Variants in MYPOP observed in about 807,000 individuals in gnomAD.
MYPOP encodes Myb related transcription factor, partner of profilin.
Under a neutral mutation model 25.7 loss-of-function variants are expected in MYPOP, and 21 were observed. The ratio of observed to expected loss-of-function variants is 0.82; its 90% CI spans 0.58 to 1.18. MYPOP has a LOEUF of 1.18. Among genes scored for constraint, MYPOP ranks in the 50% most tolerant of loss-of-function variants. MYPOP has a pLI of 0.00. For missense variants in MYPOP, 566 were observed against 588.3 expected (o/e 0.96, Z 0.39); for synonymous variants, 280 against 247.9 (o/e 1.13, Z -1.22).
intron 2 of MYPOP, among the ~76,000 whole-genome samples, chr19:45,897,703 G>A (rs1051086128): frequency 6.7e-6 from 1 of 148,298 alleles, no homozygotes; most frequent in Non-Finnish European, 1.5e-5. Context: ...CCAAGGCGCC[G>A]GCCACCATGC....
At position 45,901,848 on chromosome 19, in the gene MYPOP, G is replaced by C; in HGVS notation, c.-52-23C>G. On this transcript the variant is annotated intron_variant, in intron 1 of 2. Transcript: ENST00000322217. This position sits in a 1 kb window ranked among gnomAD's most constrained non-coding sequence, Gnocchi z 5.7. ...GCGCTGCGGGCAAAGGGCGCACGGG[G>C]CTGGCTGGGGTTCGGGGTCCCCCCG... 2 of 1,192,908 alleles carry C rather than the reference G, an allele frequency of 1.7e-6. No individual in the cohort carries two copies. The highest frequency in any genetic ancestry group is 2.1e-6 in the Non-Finnish European group (2 of 940,992). 73.9% of individuals were successfully genotyped at this position (1,192,908 alleles called of 1,614,324 possible).
At chr19:45,896,963 C>T (rs1967215284) in intron 2 of MYPOP, among the ~76,000 whole-genome samples, 1 of 152,026 alleles carries the variant, frequency 6.6e-6, no homozygotes, top group African/African-American at 2.4e-5. Context: ...GCTATATTGC[C>T]CAGGCTGGTC....
At position 45,901,641 on chromosome 19, in the gene MYPOP, G is replaced by A; in HGVS notation, c.133C>T (p.Arg45Cys). 1.2e-6 allele frequency: 2 copies of A among 1,610,568 alleles called. No individual in the cohort carries two copies. The highest frequency in any genetic ancestry group is 1.7e-6 in the Non-Finnish European group (2 of 1,179,258). Residue 45 changes from arginine (R) to cysteine (C), a missense_variant, in exon 2 of 3, where the codon CGT becomes TGT. Physicochemically the swap from Arg to Cys is radical, Grantham distance 180 (BLOSUM62 -3). Coordinates refer to ENST00000322217, the MANE Select transcript of MYPOP (RefSeq NM_001012643.4). The surrounding 1 kb of genome is among the most constrained non-coding windows in gnomAD (Gnocchi z 5.7). ...CGCCGCTCTGCCACGCTCACCCGACGGCTCTGCGCGCCGTAGAGCTGCGGG... is the reference window on the plus strand; with the variant it reads ...CGCCGCTCTGCCACGCTCACCCGACAGCTCTGCGCGCCGTAGAGCTGCGGG... ...HYPQLYGAQS[R>C]RVSVAERRRV... is the part of the protein sequence containing the mutation.
intron 2 of MYPOP, among the ~76,000 whole-genome samples, chr19:45,892,917 C>T (rs879573026): frequency 2.6e-5 from 4 of 152,126 alleles, no homozygotes; most frequent in East Asian, 1.9e-4. Context: ...AGTTAGGCTA[C>T]GGGAAACAAG....
In MYPOP at chr19:45,891,539, C is replaced by T. The variant is rs565875850; in HGVS notation, c.500-216G>A. ...GCACCTTCCACCTCCTGGGTTCAAGCGATTATCCTGCCTCAGCCTCCCGAG... is the reference window on the plus strand; with the variant it reads ...GCACCTTCCACCTCCTGGGTTCAAGTGATTATCCTGCCTCAGCCTCCCGAG... On this transcript the variant is annotated intron_variant, in intron 2 of 2. Coordinates refer to ENST00000322217, the MANE Select transcript of MYPOP (RefSeq NM_001012643.4). Among the ~76,000 whole-genome samples, 70 of 151,728 alleles carry T rather than the reference C, an allele frequency of 4.6e-4. 1 individual carries two copies. Among genetic ancestry groups the T allele is most frequent in the Admixed American group, 1.8e-3 (28 of 15,222 alleles).
At chr19:45,896,550 C>G (rs1164628210) in intron 2 of MYPOP, among the ~76,000 whole-genome samples, 1 of 151,916 alleles carries the variant, frequency 6.6e-6, no homozygotes, top group African/African-American at 2.4e-5. Context: ...ATTTGAGGCT[C>G]AGAGAGAGGT....
In MYPOP at chr19:45,890,549, G is replaced by A. The variant is rs1285045171; in HGVS notation, c.*74C>T. ...GGGAGCTAGGGTGCAGCTGGGATGGGCAGAGAGCATCGCCCCCCTCGACTG... is the reference window on the plus strand; with the variant it reads ...GGGAGCTAGGGTGCAGCTGGGATGGACAGAGAGCATCGCCCCCCTCGACTG... On this transcript the variant is annotated 3_prime_UTR_variant, in exon 3 of 3. Transcript: ENST00000322217. The A allele has an allele frequency of 1.9e-6, 3 of 1,571,072 alleles. No individual in the cohort carries two copies. Among genetic ancestry groups the A allele is most frequent in the Non-Finnish European group, 1.7e-6 (2 of 1,156,822 alleles).
At chr19:45,893,529 T>C (rs1967154909) in intron 2 of MYPOP, among the ~76,000 whole-genome samples, 2 of 143,862 alleles carry the variant, frequency 1.4e-5, no homozygotes, top group African/African-American at 2.6e-5. Flanking sequence ...GATTGCATCA[T>C]TGCACTCCAG....
Position 45,890,393 on chromosome 19 carries a change from G to T in MYPOP, c.*230C>A. On this transcript the variant is annotated 3_prime_UTR_variant, in exon 3 of 3. Transcript: ENST00000322217. ...CATGAAATTGATGGCTTAGAAGTCA[G>T]GGTTAAGGGAGGCAGCCAGGCAGAC... 1 of 559,192 alleles carries T rather than the reference G, an allele frequency of 1.8e-6. No homozygotes were observed. The highest frequency in any genetic ancestry group is 3.0e-6 in the Non-Finnish European group (1 of 338,162). The allele number at this position is 559,192 out of a possible 1,614,324, so 34.6% of individuals were successfully genotyped here. A position where few individuals can be genotyped will look rare whatever the true frequency, so the allele number is the denominator to read the frequency against.
intron 2 of MYPOP, among the ~76,000 whole-genome samples, chr19:45,894,649 C>A (rs1967176703): frequency 6.6e-6 from 1 of 151,972 alleles, no homozygotes; most frequent in Non-Finnish European, 1.5e-5. Flanking sequence ...TGGTCTCAAG[C>A]AAATCGTACA....
At chr19:45,898,920 C>T (rs986593113) in intron 2 of MYPOP, among the ~76,000 whole-genome samples, 4 of 152,162 alleles carry the variant, frequency 2.6e-5, no homozygotes, top group Non-Finnish European at 4.4e-5. Context: ...TCTGTTTCCT[C>T]CAACTACATA....
intron 2 of MYPOP, among the ~76,000 whole-genome samples, chr19:45,898,150 C>T (rs1967233982): frequency 6.6e-6 from 1 of 151,696 alleles, no homozygotes. Flanking sequence ...GTCTTGAACT[C>T]CTAACCTCAG....
intron 2 of MYPOP, 53 bp from the exon 3 acceptor site, chr19:45,891,376 ATTTCCCCT>A (rs1418880910): frequency 5.7e-6 from 8 of 1,409,648 alleles, no homozygotes; most frequent in Non-Finnish European, 7.4e-6. Flanking sequence ...TGCTGCCTTG[ATTTCCCCT>A]TTCCCACTCC....
intron 2 of MYPOP, among the ~76,000 whole-genome samples, chr19:45,899,701 A>T (rs1184287054): frequency 3.9e-5 from 6 of 152,092 alleles, no homozygotes; most frequent in African/African-American, 1.4e-4. Context: ...TTACCTGGGC[A>T]TGGTGGCAGG....
rs1490474816 is a variant in MYPOP, at chr19:45,891,212, G to C, written c.611C>G (p.Pro204Arg). ...CPRPKERESP[P>R]PSALQPVQLP... is the part of the protein sequence containing the mutation. Reference sequence around the variant, plus strand: ...CTGGACCGGCTGCAGGGCCGAAGGGGGTGGTGACTCACGCTCCTTGGGCCG... The same window carrying C: ...CTGGACCGGCTGCAGGGCCGAAGGGCGTGGTGACTCACGCTCCTTGGGCCG... Residue 204 changes from proline (P) to arginine (R), a missense_variant, in exon 3 of 3, where the codon CCC becomes CGC. Physicochemically the swap from Pro to Arg is moderately radical, Grantham distance 103. Coordinates refer to ENST00000322217, the MANE Select transcript of MYPOP (RefSeq NM_001012643.4). The C allele has an allele frequency of 6.5e-7, 1 of 1,536,506 alleles. No homozygotes were observed. Among genetic ancestry groups the C allele is most frequent in the African/African-American group, 1.4e-5 (1 of 73,520 alleles).
In MYPOP at chr19:45,890,424, T is replaced by A. The variant is rs533588756; in HGVS notation, c.*199A>T. On this transcript the variant is annotated 3_prime_UTR_variant, in exon 3 of 3. Coordinates refer to ENST00000322217, the MANE Select transcript of MYPOP (RefSeq NM_001012643.4). ...AGGGAGGCAGCCAGGCAGACAGCAC[T>A]GTACCAGAGAAAGGGGTTGGGGGGG... 2.7e-6 allele frequency: 2 copies of A among 752,848 alleles called. No homozygotes were observed. Among genetic ancestry groups the A allele is most frequent in the African/African-American group, 3.6e-5 (2 of 54,960 alleles). The allele number at this position is 752,848 out of a possible 1,614,324, so 46.6% of individuals were successfully genotyped here.
chr19:45,894,901 T>C (rs1439241913), intron 2 of MYPOP, among the ~76,000 whole-genome samples: 1 of 151,828 alleles, frequency 6.6e-6, no homozygotes, highest in African/African-American at 2.4e-5. Context: ...GTATTTTTAG[T>C]AGAGACGGGG....
intron 2 of MYPOP, among the ~76,000 whole-genome samples, chr19:45,897,859 T>C (rs1164184827): frequency 1.3e-5 from 2 of 151,012 alleles, no homozygotes; most frequent in Non-Finnish European, 3.0e-5. Flanking sequence ...TGGCTTCCAC[T>C]GTTTAAAAGT....
chr19:45,902,152 G>A (rs113018045), intron 1 of MYPOP, among the ~76,000 whole-genome samples: 64 of 144,050 alleles, frequency 4.4e-4, no homozygotes, highest in African/African-American at 1.6e-3. Flanking sequence ...GGCACGGGAG[G>A]ATAGGAAATG....
Sources: allele counts gnomAD v4.1 joint callset (sites outside exome capture counted in the v4.1 genomes callset), GRCh38; gene constraint gnomAD v4.1.1; non-coding constraint Gnocchi (gnomAD v3.1); transcripts MANE v1.5; gene names NCBI Gene and HGNC (gene_info 2026-07-23, HGNC 2026-07-21).